DENND1B: variants seen among roughly 807,000 people sequenced by gnomAD.
DENND1B encodes DENN domain containing 1B.
Under a neutral mutation model 90.1 loss-of-function variants are expected in DENND1B, and 59 were observed. That is an observed-to-expected ratio of 0.65 (90% confidence interval 0.53 to 0.81). The LOEUF (loss-of-function observed/expected upper bound fraction) is 0.81, where lower values mean the gene tolerates loss of function less well. Among genes scored for constraint, DENND1B ranks in the 40% least tolerant of loss-of-function variants. DENND1B has a pLI of 0.00. For synonymous variants in DENND1B, 337 were observed against 324.6 expected (o/e 1.04, Z -0.41); for missense variants, 862 against 912.6 (o/e 0.94, Z 0.71).
chr1:197,680,364 CATA>C (rs1460389050), intron 3 of DENND1B, among the ~76,000 whole-genome samples: 8 of 152,234 alleles, frequency 5.3e-5, no homozygotes, highest in South Asian at 4.1e-4. Context: ...GAACACTCCC[CATA>C]ATATTTGCTT....
chr1:197,634,658 A>T (rs1350990118), intron 10 of DENND1B, among the ~76,000 whole-genome samples: 2 of 152,178 alleles, frequency 1.3e-5, no homozygotes, highest in Non-Finnish European at 2.9e-5. Context: ...AAATAGCTAA[A>T]CACAAATCTT....
chr1:197,610,656 A>T (rs1311481860), intron 12 of DENND1B, among the ~76,000 whole-genome samples: 3 of 150,886 alleles, frequency 2.0e-5, no homozygotes, highest in African/African-American at 7.3e-5. Flanking sequence ...CAAATTACTG[A>T]TACATTAAAT....
chr1:197,559,391 T>C (rs774173316), intron 15 of DENND1B, among the ~76,000 whole-genome samples: 5 of 151,942 alleles, frequency 3.3e-5, no homozygotes, highest in Non-Finnish European at 7.4e-5. Context: ...TGTTGTTTTT[T>C]GTGTTAACAT....
At chr1:197,585,428 G>C (rs999460643) in intron 14 of DENND1B, among the ~76,000 whole-genome samples, 1 of 152,156 alleles carries the variant, frequency 6.6e-6, no homozygotes, top group Non-Finnish European at 1.5e-5. Flanking sequence ...TGTATTTCAA[G>C]ACAAGAAGAA....
At chr1:197,517,590 TTC>T (rs1412433349) in intron 20 of DENND1B, among the ~76,000 whole-genome samples, 1 of 151,958 alleles carries the variant, frequency 6.6e-6, no homozygotes, top group Non-Finnish European at 1.5e-5. Flanking sequence ...GTCTCTATTA[TTC>T]TGTCTTGTAG....
At chr1:197,678,655 T>A (rs1019143665) in intron 3 of DENND1B, among the ~76,000 whole-genome samples, 1 of 152,196 alleles carries the variant, frequency 6.6e-6, no homozygotes, top group Non-Finnish European at 1.5e-5. Flanking sequence ...CAAAGTTATA[T>A]TAACAGGGTG....
intron 2 of DENND1B, among the ~76,000 whole-genome samples, chr1:197,727,949 A>G (rs1661798188): frequency 6.6e-6 from 1 of 152,240 alleles, no homozygotes; most frequent in South Asian, 2.1e-4. Context: ...AAGATAATTT[A>G]ACTCTTTTCT....
intron 14 of DENND1B, among the ~76,000 whole-genome samples, chr1:197,594,854 G>T (rs1675547377): frequency 1.3e-5 from 2 of 151,982 alleles, no homozygotes; most frequent in African/African-American, 4.8e-5. Flanking sequence ...AATCTAATAA[G>T]CCCAATTGTC....
chr1:197,726,121 G>A (rs950240916), intron 2 of DENND1B, among the ~76,000 whole-genome samples: 4 of 151,936 alleles, frequency 2.6e-5, no homozygotes, highest in Non-Finnish European at 5.9e-5. Context: ...TTTACAAGAT[G>A]ATCTACCCTC....
In DENND1B at chr1:197,674,128, G is replaced by A. The variant is rs373887056; in HGVS notation, c.168C>T (p.Asp56=). ...QSVPKFCFPF[D]VERVSQNQVG... ...TGATACTTATACTGTACCTTTCAAC[G>A]TCAAAGGGAAAACAGAACTTTGGCA... is the stretch of plus-strand genomic sequence containing the variant. The change falls in exon 4 of 23, where the codon GAC becomes GAT. Residue 56 remains aspartate, a synonymous_variant. Transcript: ENST00000620048. 77 of 1,598,866 alleles carry A rather than the reference G, an allele frequency of 4.8e-5. 1 individual carries two copies. The highest frequency in any genetic ancestry group is 3.3e-4 in the Middle Eastern group (2 of 6,024).
chr1:197,761,878 TAC>T (rs1343644242), intron 2 of DENND1B: 3 of 151,902 alleles, frequency 2.0e-5, no homozygotes, highest in East Asian at 1.9e-4. Flanking sequence ...CCTACAAAGT[TAC>T]AGTTTGTGGT....
intron 2 of DENND1B, among the ~76,000 whole-genome samples, chr1:197,768,164 CTCT>C (rs1655938740): frequency 1.3e-5 from 2 of 151,730 alleles, no homozygotes; most frequent in South Asian, 4.2e-4. Context: ...CCTCCTCCTC[CTCT>C]TCGTCGTCCT....
At chr1:197,573,567 T>C (rs909120274) in intron 15 of DENND1B, among the ~76,000 whole-genome samples, 6 of 152,054 alleles carry the variant, frequency 3.9e-5, no homozygotes, top group South Asian at 2.1e-4. Context: ...TTACAATCAA[T>C]AGAAAAAGAG....
intron 2 of DENND1B, among the ~76,000 whole-genome samples, chr1:197,725,716 G>T (rs1312976459): frequency 6.6e-6 from 1 of 151,914 alleles, no homozygotes; most frequent in Non-Finnish European, 1.5e-5. Context: ...GGTGAGGTCA[G>T]AGAGTTAAGG....
At chr1:197,547,451 C>A (rs972531302) in intron 16 of DENND1B, among the ~76,000 whole-genome samples, 1 of 152,140 alleles carries the variant, frequency 6.6e-6, no homozygotes, top group Admixed American at 6.5e-5. Flanking sequence ...ATCTTTGCAT[C>A]CCTAATCAAC....
intron 14 of DENND1B, among the ~76,000 whole-genome samples, chr1:197,586,038 T>A (rs1674664966): frequency 6.6e-6 from 1 of 152,232 alleles, no homozygotes. Context: ...TATGCAGTGA[T>A]GTTTTTCAAA....
At chr1:197,615,965 G>A (rs568637426) in intron 11 of DENND1B, among the ~76,000 whole-genome samples, 3 of 150,820 alleles carry the variant, frequency 2.0e-5, no homozygotes, top group Non-Finnish European at 3.0e-5. Context: ...GGGTAGAAAC[G>A]ATTAGAAAAG....
intron 3 of DENND1B, among the ~76,000 whole-genome samples, chr1:197,682,378 CAG>C (rs757380384): frequency 2.0e-5 from 3 of 152,088 alleles, no homozygotes; most frequent in Non-Finnish European, 4.4e-5. Flanking sequence ...TTTTTAAAAA[CAG>C]ATTATTTAAT....
chr1:197,639,676 C>G (rs1311133314), intron 10 of DENND1B, among the ~76,000 whole-genome samples: 2 of 151,886 alleles, frequency 1.3e-5, no homozygotes, highest in Non-Finnish European at 2.9e-5. Flanking sequence ...ACATTATAGT[C>G]TCCGTGATAT....
Sources: allele counts gnomAD v4.1 joint callset (sites outside exome capture counted in the v4.1 genomes callset), GRCh38; gene constraint gnomAD v4.1.1; transcripts MANE v1.5; gene names NCBI Gene and HGNC (gene_info 2026-07-23, HGNC 2026-07-21).